Variants in CACNA1D observed in about 807,000 individuals in gnomAD.
CACNA1D encodes the protein voltage-dependent L-type calcium channel subunit alpha-1D.
Under a neutral mutation model 257.1 loss-of-function variants are expected in CACNA1D, and 55 were observed. That is an observed-to-expected ratio of 0.21 (90% CI 0.17 to 0.27). The LOEUF (loss-of-function observed/expected upper bound fraction) is 0.27. Ranked by LOEUF, CACNA1D falls within the 10% of genes least tolerant of loss-of-function variation. The pLI, the probability that CACNA1D is intolerant of heterozygous loss-of-function variation, is 1.00. For synonymous variants in CACNA1D, 980 were observed against 1,014.9 expected (o/e 0.97, Z 0.65); for missense variants, 1,876 against 2,784.0 (o/e 0.67, Z 7.34).
chr3:53,663,452 G>C (rs1282238099), intron 5 of CACNA1D, among the ~76,000 whole-genome samples: 1 of 152,194 alleles, frequency 6.6e-6, no homozygotes, highest in Non-Finnish European at 1.5e-5. Context: ...CCAATGCAAG[G>C]TCAGGAGGCC....
chr3:53,508,900 G>A (rs2090981395), intron 3 of CACNA1D, among the ~76,000 whole-genome samples: 1 of 152,186 alleles, frequency 6.6e-6, no homozygotes, highest in South Asian at 2.1e-4. Flanking sequence ...GAGGGACCAT[G>A]TGCACTGTTA....
intron 3 of CACNA1D, among the ~76,000 whole-genome samples, chr3:53,563,864 C>A (rs2092785390): frequency 6.6e-6 from 1 of 152,024 alleles, no homozygotes; most frequent in South Asian, 2.1e-4. Flanking sequence ...CTGAATTTTT[C>A]TTGATACATA....
chr3:53,515,007 C>T (rs1005879276), intron 3 of CACNA1D, among the ~76,000 whole-genome samples: 1 of 152,182 alleles, frequency 6.6e-6, no homozygotes, highest in African/African-American at 2.4e-5. Flanking sequence ...AGACCTGGAC[C>T]ATACCCCATC....
intron 3 of CACNA1D, among the ~76,000 whole-genome samples, chr3:53,574,737 G>A (rs369764892): frequency 6.6e-6 from 1 of 151,366 alleles, no homozygotes; most frequent in African/African-American, 2.4e-5. Flanking sequence ...TGTCCCACGT[G>A]TTCTCACTCA....
At chr3:53,749,193 A>C (rs1474873259) in intron 26 of CACNA1D, 75 bp from the exon 27 acceptor site, 12 of 1,015,104 alleles carry the variant, frequency 1.2e-5, no homozygotes, top group Non-Finnish European at 1.8e-5. Context: ...GAGAGGGAGG[A>C]CCTGGGAAGG....
intron 3 of CACNA1D, among the ~76,000 whole-genome samples, chr3:53,642,369 G>A (rs745745047): frequency 1.1e-4 from 17 of 152,198 alleles, no homozygotes; most frequent in Admixed American, 2.6e-4. Context: ...CTTCGGACCC[G>A]GTTGGTGTGG....
chr3:53,669,500 G>A (rs538237376), intron 7 of CACNA1D, among the ~76,000 whole-genome samples: 1 of 152,212 alleles, frequency 6.6e-6, no homozygotes, highest in Non-Finnish European at 1.5e-5. Context: ...AATCCTTTAG[G>A]CACTTACATA....
At chr3:53,619,344 C>G (rs2093671100) in intron 3 of CACNA1D, among the ~76,000 whole-genome samples, 1 of 152,218 alleles carries the variant, frequency 6.6e-6, no homozygotes, top group Non-Finnish European at 1.5e-5. Flanking sequence ...TCTTTCCTTT[C>G]ATTCCTCTGT....
At chr3:53,802,865 T>C (rs1474634261) in intron 43 of CACNA1D, among the ~76,000 whole-genome samples, 2 of 152,182 alleles carry the variant, frequency 1.3e-5, no homozygotes, top group Non-Finnish European at 2.9e-5. Flanking sequence ...TCAGGGAGAC[T>C]TACCACATTC....
intron 3 of CACNA1D, among the ~76,000 whole-genome samples, chr3:53,617,482 G>A (rs558458555): frequency 6.6e-6 from 1 of 152,146 alleles, no homozygotes; most frequent in Non-Finnish European, 1.5e-5. Flanking sequence ...AAACCCTAGG[G>A]TTTAGGGGTG....
intron 9 of CACNA1D, among the ~76,000 whole-genome samples, chr3:53,707,491 T>C (rs1164999464): frequency 3.3e-5 from 5 of 152,200 alleles, no homozygotes; most frequent in African/African-American, 1.2e-4. Context: ...CTTTGTGCAT[T>C]CATAGAATAT....
chr3:53,769,941 T>C (rs1301460290), intron 30 of CACNA1D, 32 bp from the exon 31 acceptor site: 1 of 1,565,192 alleles, frequency 6.4e-7, no homozygotes, highest in African/African-American at 1.3e-5. Flanking sequence ...TCCTGGTTCA[T>C]TAATCCATTT....
At chr3:53,584,984 G>A (rs2107770847) in intron 3 of CACNA1D, among the ~76,000 whole-genome samples, 1 of 151,634 alleles carries the variant, frequency 6.6e-6, no homozygotes, top group East Asian at 1.9e-4. Context: ...CCTGAAGAAT[G>A]AAAAGCTTAA....
chr3:53,519,091 C>T (rs1159501378), intron 3 of CACNA1D, among the ~76,000 whole-genome samples: 9 of 152,158 alleles, frequency 5.9e-5, no homozygotes, highest in Non-Finnish European at 1.3e-4. Flanking sequence ...TTCCTCACTC[C>T]CTGGCAAGGC....
intron 38 of CACNA1D, among the ~76,000 whole-genome samples, chr3:53,780,366 T>C (rs928084499): frequency 1.3e-5 from 2 of 152,248 alleles, no homozygotes; most frequent in African/African-American, 4.8e-5. Flanking sequence ...AGTTGACTCA[T>C]ACTACTGCTT....
chr3:53,573,585 C>T (rs548910836), intron 3 of CACNA1D, among the ~76,000 whole-genome samples: 18 of 152,330 alleles, frequency 1.2e-4, no homozygotes, highest in Admixed American at 1.2e-3. Context: ...CTCCTTTGTG[C>T]TTCTCCCTAT....
chr3:53,590,533 G>A (rs1029072220), intron 3 of CACNA1D, among the ~76,000 whole-genome samples: 2 of 152,210 alleles, frequency 1.3e-5, no homozygotes, highest in Non-Finnish European at 2.9e-5. Flanking sequence ...TGCCCAGACT[G>A]TCTCCTATAG....
At chr3:53,621,171 A>G (rs1269576455) in intron 3 of CACNA1D, among the ~76,000 whole-genome samples, 1 of 152,184 alleles carries the variant, frequency 6.6e-6, no homozygotes, top group Non-Finnish European at 1.5e-5. Flanking sequence ...CAGAGCTGTG[A>G]ATTCCCAGAA....
intron 2 of CACNA1D, among the ~76,000 whole-genome samples, chr3:53,500,160 G>GGTGAGCAGATTGCGAGTCCAGAA (rs1485961732): frequency 6.6e-6 from 1 of 150,540 alleles, no homozygotes. Context: ...GGGAGGCTGA[G>GGTGAGCAGATTGCGAGTCCAGAA]GTGAGCAGAT....
Sources: allele counts gnomAD v4.1 joint callset (sites outside exome capture counted in the v4.1 genomes callset), GRCh38; gene constraint gnomAD v4.1.1; transcripts MANE v1.5; gene names NCBI Gene and HGNC (gene_info 2026-07-23, HGNC 2026-07-21).